The following HPSE2 variants were observed in gnomAD, a reference collection of about 807,000 sequenced individuals.
The protein encoded by HPSE2 is heparanase 2 (inactive).
HPSE2 carries 38 observed loss-of-function variants against 60.5 expected under a neutral mutation model. The observed-to-expected ratio is 0.63, with a 90% CI of 0.48 to 0.82. The LOEUF (loss-of-function observed/expected upper bound fraction) is 0.82. Among genes scored for constraint, HPSE2 ranks in the 40% least tolerant of loss-of-function variants. HPSE2 has a pLI of 0.00. For synonymous variants in HPSE2, 295 were observed against 293.2 expected, an observed-to-expected ratio of 1.01 and a Z score of -0.06; for missense variants, 713 against 740.4, an observed-to-expected ratio of 0.96 and a Z score of 0.43.
chr10:99,016,969 T>G (rs1957157395), intron 3 of HPSE2, among the ~76,000 whole-genome samples: 1 of 152,218 alleles, frequency 6.6e-6, no homozygotes, highest in African/African-American at 2.4e-5. Flanking sequence ...TCATGTCATC[T>G]TTAAACAAGG....
intron 3 of HPSE2, among the ~76,000 whole-genome samples, chr10:98,883,961 CCAAA>C (rs1564631826): frequency 6.6e-6 from 1 of 152,044 alleles, no homozygotes; most frequent in African/African-American, 2.4e-5. Context: ...GCCTCTTATA[CCAAA>C]CAGTTAGCCA....
chr10:99,189,116 G>A (rs1315476311), intron 2 of HPSE2, among the ~76,000 whole-genome samples: 2 of 152,188 alleles, frequency 1.3e-5, no homozygotes, highest in Non-Finnish European at 2.9e-5. Flanking sequence ...AGAAGACAGA[G>A]AACTCTTAAA....
chr10:98,860,168 C>T (rs1245582884), intron 3 of HPSE2, among the ~76,000 whole-genome samples: 1 of 152,086 alleles, frequency 6.6e-6, no homozygotes, highest in Non-Finnish European at 1.5e-5. Flanking sequence ...CCTATTTATT[C>T]TGTTTCCCTG....
chr10:98,931,424 T>C (rs1320396644), intron 3 of HPSE2, among the ~76,000 whole-genome samples: 2 of 144,254 alleles, frequency 1.4e-5, no homozygotes, highest in Non-Finnish European at 3.0e-5. Flanking sequence ...CTTTGTTCTT[T>C]TTACTTAGGG....
At chr10:98,910,276 C>T (rs1953944166) in intron 3 of HPSE2, among the ~76,000 whole-genome samples, 1 of 152,128 alleles carries the variant, frequency 6.6e-6, no homozygotes, top group Non-Finnish European at 1.5e-5. Flanking sequence ...AGATAAAGCT[C>T]TCTCTGGTCA....
At chr10:98,583,785 T>C (rs7922554) in intron 9 of HPSE2, among the ~76,000 whole-genome samples, 65 of 152,356 alleles carry the variant, frequency 4.3e-4, no homozygotes, top group African/African-American at 1.2e-3. Flanking sequence ...ATTCTGGACA[T>C]TTCATATAGC....
intron 6 of HPSE2, among the ~76,000 whole-genome samples, chr10:98,647,396 T>C (rs868432469): frequency 2.2e-4 from 33 of 152,334 alleles, no homozygotes; most frequent in Middle Eastern, 3.4e-3. Flanking sequence ...CCCCTTCTTT[T>C]ATTTCAGGTA....
rs746141917 is a variant in HPSE2, at chr10:99,006,590, G to A, written c.610+137648C>T. On this transcript the variant is annotated intron_variant, in intron 3 of 11. Transcript: ENST00000370552. ...GGTCCCAGAAGCTGGCCTGGCACTGGGTGGGCCTAGAACCTATATCTGTGA... is the reference window on the plus strand; with the variant it reads ...GGTCCCAGAAGCTGGCCTGGCACTGAGTGGGCCTAGAACCTATATCTGTGA... Among the ~76,000 whole-genome samples the A allele has an allele frequency of 2.0e-5, 3 of 152,180 alleles. No homozygotes were observed. The East Asian group carries it at 5.8e-4, about 29-fold the overall frequency.
chr10:99,271,590 A>T, the HPSE2 span, among the ~76,000 whole-genome samples: 2 of 152,202 alleles, frequency 1.3e-5, no homozygotes, highest in African/African-American at 4.8e-5. Context: ...CTACAAATTC[A>T]ATGCAATTCC....
the HPSE2 span, among the ~76,000 whole-genome samples, chr10:99,251,855 T>C: frequency 9.2e-6 from 1 of 108,434 alleles, no homozygotes; most frequent in Non-Finnish European, 1.7e-5. Context: ...TGAGATACTC[T>C]CTCTACCAAA....
chr10:98,595,270 C>T (rs1564997278), intron 9 of HPSE2, among the ~76,000 whole-genome samples: 1 of 150,486 alleles, frequency 6.6e-6, no homozygotes, highest in Non-Finnish European at 1.5e-5. Flanking sequence ...CCCGGGTTCA[C>T]GCCATTCTCC....
intron 3 of HPSE2, among the ~76,000 whole-genome samples, chr10:98,749,947 T>TACACACAC (rs113721855): frequency 9.1e-5 from 9 of 98,460 alleles, no homozygotes; most frequent in Admixed American, 2.3e-4. Flanking sequence ...TATATATATA[T>TACACACAC]ACACACACAC....
At chr10:99,171,888 T>A (rs1004316682) in intron 2 of HPSE2, among the ~76,000 whole-genome samples, 1 of 152,148 alleles carries the variant, frequency 6.6e-6, no homozygotes, top group Non-Finnish European at 1.5e-5. Context: ...ATGTTTATAT[T>A]CCTGACTTAT....
chr10:98,981,341 G>A (rs1956200721), intron 3 of HPSE2, among the ~76,000 whole-genome samples: 1 of 152,112 alleles, frequency 6.6e-6, no homozygotes, highest in African/African-American at 2.4e-5. Flanking sequence ...AGGTGTCAGA[G>A]TCAATGTGAT....
intron 3 of HPSE2, among the ~76,000 whole-genome samples, chr10:98,812,442 C>A (rs7903388): frequency 0.013 from 2,046 of 152,186 alleles, 40 homozygotes; most frequent in African/African-American, 0.046. Context: ...AGACTTCAAC[C>A]ATTTTAGCAA....
At chr10:98,723,039 T>C (rs1948969183) in intron 4 of HPSE2, among the ~76,000 whole-genome samples, 1 of 152,198 alleles carries the variant, frequency 6.6e-6, no homozygotes, top group Non-Finnish European at 1.5e-5. Flanking sequence ...CTCTGTCTTG[T>C]GCCAGTTTTC....
chr10:98,627,817 C>T (rs572277853), intron 7 of HPSE2, among the ~76,000 whole-genome samples: 88 of 152,338 alleles, frequency 5.8e-4, no homozygotes, highest in Non-Finnish European at 8.7e-4. Context: ...GAATGAATAA[C>T]ATCAGAGTTG....
chr10:99,170,801 T>G (rs1225009189), intron 2 of HPSE2, among the ~76,000 whole-genome samples: 1 of 152,238 alleles, frequency 6.6e-6, no homozygotes, highest in Non-Finnish European at 1.5e-5. Flanking sequence ...CAGTCCGCCC[T>G]CTGTATCCAT....
chr10:99,234,819 T>C (rs1849784051), intron 1 of HPSE2, among the ~76,000 whole-genome samples: 1 of 150,818 alleles, frequency 6.6e-6, no homozygotes, highest in Non-Finnish European at 1.5e-5. Flanking sequence ...AAAGCTAAAC[T>C]GTGCAGTTAC....
Sources: gnomAD v4.1 joint callset for allele counts (sites outside exome capture counted in the v4.1 genomes callset) on GRCh38, gnomAD v4.1.1 for gene constraint, MANE v1.5 for transcripts, NCBI Gene and HGNC (gene_info 2026-07-23, HGNC 2026-07-21) for gene names.